Variants in ATP2C1 observed in about 807,000 individuals in gnomAD.
The protein encoded by ATP2C1 is calcium-transporting ATPase type 2C member 1.
Under a neutral mutation model 120.5 loss-of-function variants are expected in ATP2C1, and 31 were observed. The observed-to-expected ratio is 0.26, with a 90% CI of 0.19 to 0.35. ATP2C1 has a LOEUF of 0.35. ATP2C1 is among the 10% of genes least tolerant of loss of function. The probability of loss-of-function intolerance (pLI) is 1.00; values close to 1 mark genes in which losing one functional copy is unlikely to be tolerated. For missense variants in ATP2C1, 731 were observed against 1,107.5 expected (o/e 0.66, Z 4.83); for synonymous variants, 351 against 358.7 (o/e 0.98, Z 0.24).
chr3:130,927,431 C>T (rs971388995), intron 2 of ATP2C1, among the ~76,000 whole-genome samples: 11 of 151,814 alleles, frequency 7.2e-5, no homozygotes, highest in South Asian at 2.1e-4. Context: ...TTAGTAGAGA[C>T]GGGGTTTCAT....
intron 2 of ATP2C1, among the ~76,000 whole-genome samples, chr3:130,904,714 G>A (rs1328810540): frequency 6.6e-6 from 1 of 151,902 alleles, no homozygotes; most frequent in Non-Finnish European, 1.5e-5. Flanking sequence ...CTTTACATGG[G>A]CAAGTTTTGC....
chr3:130,859,048 T>C (rs748676459), intron 1 of ATP2C1, among the ~76,000 whole-genome samples: 4 of 152,188 alleles, frequency 2.6e-5, no homozygotes, highest in Non-Finnish European at 5.9e-5. Flanking sequence ...GTGGCAATGG[T>C]TTCTGCATCA....
At chr3:130,868,292 G>A (rs1172071895) in intron 1 of ATP2C1, 1 of 137,166 alleles carries the variant, frequency 7.3e-6, no homozygotes, top group Non-Finnish European at 1.6e-5. Flanking sequence ...TCCGGGAGGT[G>A]AGGGGCTCCT....
intron 2 of ATP2C1, among the ~76,000 whole-genome samples, chr3:130,904,393 G>C (rs1282069133): frequency 3.3e-5 from 5 of 151,826 alleles, no homozygotes. Flanking sequence ...CTTTTGAAGA[G>C]TACTGTTAGT....
chr3:130,965,944 T>C (rs905015154), intron 14 of ATP2C1, among the ~76,000 whole-genome samples: 2 of 152,288 alleles, frequency 1.3e-5, no homozygotes, highest in Non-Finnish European at 2.9e-5. Flanking sequence ...TTAACAATTA[T>C]ATATTGATAC....
Position 130,993,923 on chromosome 3 carries a change from C to T in ATP2C1, c.1891-9C>T. On this transcript the variant is annotated splice_polypyrimidine_tract_variant and intron_variant, in intron 21 of 27. Coordinates refer to ENST00000510168, the MANE Select transcript of ATP2C1 (RefSeq NM_001378687.1). ...TCCTTCCTCTCCCCTGTCCTCTGCT[C>T]CACTCTAGTCGCTACAGAAGAACGG... 1 of 1,614,054 alleles carries T rather than the reference C, an allele frequency of 6.2e-7. No homozygotes were observed.
intron 8 of ATP2C1, among the ~76,000 whole-genome samples, chr3:130,947,351 A>G (rs962028702): frequency 6.6e-6 from 1 of 152,146 alleles, no homozygotes; most frequent in East Asian, 1.9e-4. Flanking sequence ...CAGTATATTC[A>G]CAGTTGTACA....
At chr3:130,996,847 C>T in intron 24 of ATP2C1, 51 bp downstream of exon 24, 1 of 1,229,772 alleles carries the variant, frequency 8.1e-7, no homozygotes, top group Non-Finnish European at 1.2e-6. Flanking sequence ...TGTGTACTAC[C>T]CTGATAATTA....
intron 2 of ATP2C1, among the ~76,000 whole-genome samples, chr3:130,916,822 C>T (rs888321716): frequency 9.9e-5 from 15 of 152,036 alleles, no homozygotes; most frequent in Non-Finnish European, 2.2e-4. Context: ...GTCCAAAAAC[C>T]ATACAAATGG....
Position 130,975,319 on chromosome 3 carries a change from A to G in ATP2C1, c.1414-13A>G. ...TTGAAATTAAACTTGTGTTTGGTAC[A>G]TTTTCTTCTTAGGACAGACCAGAGA... On this transcript the variant is annotated splice_polypyrimidine_tract_variant and intron_variant, in intron 17 of 27. Transcript: ENST00000510168. 7 of 1,613,438 alleles carry G rather than the reference A, an allele frequency of 4.3e-6. No homozygotes were observed. The Admixed American group carries it at 5.0e-5, about 12-fold the overall frequency.
chr3:130,901,334 G>C (rs2057810487), intron 2 of ATP2C1, among the ~76,000 whole-genome samples: 1 of 152,052 alleles, frequency 6.6e-6, no homozygotes, highest in Non-Finnish European at 1.5e-5. Context: ...TGGTAGATCA[G>C]TTATTATATC....
intron 13 of ATP2C1, among the ~76,000 whole-genome samples, chr3:130,964,447 T>G (rs763166611): frequency 2.0e-5 from 3 of 152,066 alleles, no homozygotes; most frequent in Non-Finnish European, 4.4e-5. Flanking sequence ...TTGAGTTGAA[T>G]TTGCCTGTAA....
intron 18 of ATP2C1, 63 bp downstream of exon 18, chr3:130,975,551 G>C: frequency 6.5e-7 from 1 of 1,535,590 alleles, no homozygotes; most frequent in Non-Finnish European, 8.9e-7. Context: ...AATTGCAGAT[G>C]AATTCATGCT....
At chr3:130,951,935 C>A (rs1021247989) in intron 8 of ATP2C1, among the ~76,000 whole-genome samples, 1 of 152,074 alleles carries the variant, frequency 6.6e-6, no homozygotes, top group East Asian at 1.9e-4. Flanking sequence ...AACTTAACAA[C>A]CTATTGTAAA....
At chr3:130,944,204 A>G (rs1228848910) in intron 8 of ATP2C1, among the ~76,000 whole-genome samples, 1 of 152,242 alleles carries the variant, frequency 6.6e-6, no homozygotes, top group Non-Finnish European at 1.5e-5. Context: ...TGTAACTGTC[A>G]TAAATTTTAG....
At chr3:130,914,044 C>A (rs559227335) in intron 2 of ATP2C1, among the ~76,000 whole-genome samples, 1 of 151,950 alleles carries the variant, frequency 6.6e-6, no homozygotes, top group Admixed American at 6.6e-5. Flanking sequence ...AACGGGCAAA[C>A]CTGCTCTTTC....
intron 2 of ATP2C1, among the ~76,000 whole-genome samples, chr3:130,929,533 A>G (rs909964927): frequency 2.6e-5 from 4 of 152,210 alleles, no homozygotes; most frequent in South Asian, 4.1e-4. Context: ...GGGCAGTAAG[A>G]TGATAATTTT....
intron 6 of ATP2C1, among the ~76,000 whole-genome samples, chr3:130,939,167 T>C (rs954917196): frequency 2.0e-5 from 3 of 152,236 alleles, no homozygotes; most frequent in African/African-American, 7.2e-5. Flanking sequence ...AAAAAGATCC[T>C]ATTTACTGTC....
At chr3:130,884,448 C>T (rs957188537) in intron 1 of ATP2C1, among the ~76,000 whole-genome samples, 1 of 152,190 alleles carries the variant, frequency 6.6e-6, no homozygotes, top group Non-Finnish European at 1.5e-5. Context: ...TGAGACTACT[C>T]CATGTGTTGA....
Sources: gnomAD v4.1 joint callset for allele counts (sites outside exome capture counted in the v4.1 genomes callset) on GRCh38, gnomAD v4.1.1 for gene constraint, MANE v1.5 for transcripts, NCBI Gene and HGNC (gene_info 2026-07-23, HGNC 2026-07-21) for gene names.